The following SYNPO2 variants were observed in gnomAD, a reference collection of about 807,000 sequenced individuals.
SYNPO2 encodes synaptopodin 2.
Under a neutral mutation model 85.0 loss-of-function variants are expected in SYNPO2, and 56 were observed. The observed-to-expected ratio is 0.66, with a 90% CI of 0.53 to 0.82. The LOEUF (loss-of-function observed/expected upper bound fraction) is 0.82, where lower values mean the gene tolerates loss of function less well. SYNPO2 is among the 40% of genes least tolerant of loss of function. SYNPO2 has a pLI of 0.00. For missense variants in SYNPO2, 1,575 were observed against 1,534.2 expected (o/e 1.03, Z -0.44); for synonymous variants, 602 against 591.1 (o/e 1.02, Z -0.27).
intron 1 of SYNPO2, among the ~76,000 whole-genome samples, chr4:118,890,252 C>A (rs75532178): frequency 6.6e-6 from 1 of 150,856 alleles, no homozygotes; most frequent in Non-Finnish European, 1.5e-5. Context: ...TAAATCCTTT[C>A]GTAATGTGAT....
intron 1 of SYNPO2, among the ~76,000 whole-genome samples, chr4:118,927,526 T>G (rs969582854): frequency 2.0e-5 from 3 of 152,124 alleles, no homozygotes; most frequent in African/African-American, 7.2e-5. Flanking sequence ...GAAAAGTCTT[T>G]CTTCCATTAC....
intron 1 of SYNPO2, among the ~76,000 whole-genome samples, chr4:118,894,947 A>G (rs62326783): frequency 0.13 from 20,441 of 152,182 alleles, 1,507 homozygotes; most frequent in East Asian, 0.24. Context: ...ATGATCATCA[A>G]TGGAAGTCAC....
intron 1 of SYNPO2, among the ~76,000 whole-genome samples, chr4:118,924,763 T>C (rs937844801): frequency 2.0e-5 from 3 of 152,202 alleles, no homozygotes; most frequent in Non-Finnish European, 4.4e-5. Context: ...AATTGGACAA[T>C]CTATCCTGCT....
chr4:118,878,581 G>A (rs184941261), intron 1 of SYNPO2, among the ~76,000 whole-genome samples: 51 of 151,906 alleles, frequency 3.4e-4, no homozygotes, highest in African/African-American at 1.2e-3. Flanking sequence ...GTTTGTAAAC[G>A]CACCAATCAC....
rs574284906 is a variant in SYNPO2 at position 118,916,149 on chromosome 4, A to G, written c.105+27008A>G. Among the ~76,000 whole-genome samples, 178 of 151,448 alleles carry G rather than the reference A, an allele frequency of 1.2e-3. 1 individual carries two copies. The highest frequency in any genetic ancestry group is 2.2e-3 in the Non-Finnish European group (152 of 67,840). On this transcript the variant is annotated intron_variant, in intron 1 of 4. Coordinates refer to ENST00000307142, the MANE Select transcript of SYNPO2 (RefSeq NM_133477.3). ...GTTTCTTTTGATGAATAACAATTTTAATATGTCAAACTTAGGGTTTTTTGG... is the reference window on the plus strand; with the variant it reads ...GTTTCTTTTGATGAATAACAATTTTGATATGTCAAACTTAGGGTTTTTTGG...
At chr4:118,948,722 G>A (rs1443073947) in intron 1 of SYNPO2, among the ~76,000 whole-genome samples, 1 of 152,130 alleles carries the variant, frequency 6.6e-6, no homozygotes, top group African/African-American at 2.4e-5. Context: ...AACTAATAGA[G>A]CAAGAACTGA....
At chr4:118,904,884 C>T (rs1487979858) in intron 1 of SYNPO2, among the ~76,000 whole-genome samples, 1 of 152,078 alleles carries the variant, frequency 6.6e-6, no homozygotes, top group Non-Finnish European at 1.5e-5. Flanking sequence ...GGATGGTGCT[C>T]AGCATAACTG....
chr4:119,032,339 G>A, intron 4 of SYNPO2: 1 of 1,267,814 alleles, frequency 7.9e-7, no homozygotes, highest in South Asian at 1.9e-5. Context: ...GATTTGTGCT[G>A]TAGCCACAAG....
intron 1 of SYNPO2, among the ~76,000 whole-genome samples, chr4:118,947,035 C>T (rs142932342): frequency 2.0e-5 from 3 of 152,140 alleles, no homozygotes; most frequent in African/African-American, 7.2e-5. Context: ...ATTCTTGAAC[C>T]AAATCCTCTT....
At chr4:119,039,311 C>T (rs1184125562) in intron 4 of SYNPO2, among the ~76,000 whole-genome samples, 1 of 152,142 alleles carries the variant, frequency 6.6e-6, no homozygotes, top group Admixed American at 6.5e-5. Context: ...CATCTAATCA[C>T]AAGGCTATAC....
chr4:119,010,075 T>C (rs538673599), intron 1 of SYNPO2, among the ~76,000 whole-genome samples: 1 of 152,352 alleles, frequency 6.6e-6, no homozygotes, highest in African/African-American at 2.4e-5. Flanking sequence ...TATTAGATAC[T>C]ATAGTATTCG....
At chr4:118,880,428 A>G (rs927413658) in intron 1 of SYNPO2, among the ~76,000 whole-genome samples, 1 of 152,202 alleles carries the variant, frequency 6.6e-6, no homozygotes, top group Non-Finnish European at 1.5e-5. Context: ...ATCATGATCC[A>G]TGAAAAAGAT....
intron 1 of SYNPO2, among the ~76,000 whole-genome samples, chr4:118,892,894 T>C (rs886907696): frequency 1.9e-4 from 29 of 152,136 alleles, no homozygotes; most frequent in Non-Finnish European, 1.9e-4. Flanking sequence ...ATGTGTTCTT[T>C]AAGATTTTGA....
At chr4:118,935,194 G>A (rs1433265782) in intron 1 of SYNPO2, among the ~76,000 whole-genome samples, 1 of 152,152 alleles carries the variant, frequency 6.6e-6, no homozygotes, top group Non-Finnish European at 1.5e-5. Flanking sequence ...CCACTGGGAA[G>A]TAGTTTATTG....
chr4:118,978,048 T>C (rs1735857960), intron 1 of SYNPO2, among the ~76,000 whole-genome samples: 1 of 152,236 alleles, frequency 6.6e-6, no homozygotes. Context: ...AATTATATGC[T>C]ACTGTAGAAT....
At chr4:118,926,692 G>A (rs1313538188) in intron 1 of SYNPO2, among the ~76,000 whole-genome samples, 2 of 152,134 alleles carry the variant, frequency 1.3e-5, no homozygotes. Flanking sequence ...AATATGATCA[G>A]TTAAAAGAGG....
chr4:118,943,921 A>G (rs943829166), intron 1 of SYNPO2, among the ~76,000 whole-genome samples: 9 of 152,328 alleles, frequency 5.9e-5, no homozygotes, highest in Non-Finnish European at 1.3e-4. Context: ...ACGTTACTTG[A>G]CAGTTATGTT....
In SYNPO2 at chr4:119,031,474, C is replaced by G. The variant is rs1380704451; in HGVS notation, c.2699C>G (p.Ala900Gly). Residue 900 changes from alanine (A) to glycine (G), a missense_variant, in exon 4 of 5, where the codon GCT (alanine) becomes GGT (glycine). Around this residue, in one of 3 missense-constraint regions of SYNPO2, gnomAD observed 1,508 missense variants for 1,446.8 expected, o/e 1.04. Coordinates refer to ENST00000307142, the MANE Select transcript of SYNPO2 (RefSeq NM_133477.3). ...SDTVQAHAAR[A>G]QSPTPSLPAS... ...ACGGTGCAGGCCCACGCTGCTCGAG[C>G]TCAGTCTCCCACTCCATCTCTCCCG... The G allele has an allele frequency of 6.2e-7, 1 of 1,614,040 alleles. No individual in the cohort carries two copies. The highest frequency in any genetic ancestry group is 8.5e-7 in the Non-Finnish European group (1 of 1,180,044).
intron 1 of SYNPO2, among the ~76,000 whole-genome samples, chr4:118,981,604 T>C (rs547006613): frequency 6.6e-6 from 1 of 152,152 alleles, no homozygotes; most frequent in Non-Finnish European, 1.5e-5. Context: ...ATGTCATAAG[T>C]TCTGATTAGG....
Sources: gnomAD v4.1 joint callset for allele counts (sites outside exome capture counted in the v4.1 genomes callset) on GRCh38, gnomAD v4.1.1 for gene constraint, gnomAD v4.1.1 regional missense constraint, MANE v1.5 for transcripts, NCBI Gene and HGNC (gene_info 2026-07-23, HGNC 2026-07-21) for gene names.